The following LRBA variants were observed in gnomAD, a reference collection of about 807,000 sequenced individuals.
The protein encoded by LRBA is lipopolysaccharide-responsive and beige-like anchor protein.
In LRBA, 176 loss-of-function variants were observed where a neutral mutation model predicts 330.0. The ratio of observed to expected loss-of-function variants is 0.53; its 90% CI spans 0.47 to 0.60. The LOEUF is 0.60. Among genes scored for constraint, LRBA ranks in the 20% least tolerant of loss-of-function variants. The pLI is 0.00. For missense variants in LRBA, 3,259 were observed against 3,444.8 expected, an observed-to-expected ratio of 0.95 and a Z score of 1.35; for synonymous variants, 1,230 against 1,193.0, an observed-to-expected ratio of 1.03 and a Z score of -0.64.
intron 2 of LRBA, among the ~76,000 whole-genome samples, chr4:150,955,883 C>T (rs1365870983): frequency 6.7e-6 from 1 of 148,492 alleles, no homozygotes; most frequent in Non-Finnish European, 1.5e-5. Flanking sequence ...CAGAGAGAGA[C>T]TCCATCTCAA....
intron 37 of LRBA, among the ~76,000 whole-genome samples, chr4:150,658,086 T>C (rs1221436128): frequency 6.6e-6 from 1 of 152,004 alleles, no homozygotes; most frequent in Non-Finnish European, 1.5e-5. Flanking sequence ...CGCTAAGGGG[T>C]GAGTCAAAGG....
chr4:150,609,760 G>A (rs1033268892), intron 37 of LRBA, among the ~76,000 whole-genome samples: 21 of 152,068 alleles, frequency 1.4e-4, no homozygotes, highest in Non-Finnish European at 2.4e-4. Context: ...CTAGGATGGC[G>A]GTTTAAAGAA....
intron 2 of LRBA, among the ~76,000 whole-genome samples, chr4:150,962,108 T>C (rs1738212329): frequency 6.7e-6 from 1 of 149,404 alleles, no homozygotes; most frequent in South Asian, 2.1e-4. Flanking sequence ...ACATCTCAAA[T>C]CATGGAGGAA....
intron 40 of LRBA, among the ~76,000 whole-genome samples, chr4:150,498,713 A>C (rs1759879550): frequency 6.6e-6 from 1 of 152,184 alleles, no homozygotes; most frequent in African/African-American, 2.4e-5. Context: ...AATACAAACA[A>C]AAACAAAGCC....
intron 37 of LRBA, among the ~76,000 whole-genome samples, chr4:150,616,148 TAA>T (rs1372120265): frequency 2.6e-5 from 4 of 152,128 alleles, no homozygotes; most frequent in African/African-American, 9.7e-5. Context: ...CAACTGAATA[TAA>T]GAGTGTGGAG....
intron 44 of LRBA, among the ~76,000 whole-genome samples, chr4:150,460,515 G>C (rs1201973816): frequency 6.6e-6 from 1 of 151,830 alleles, no homozygotes; most frequent in Non-Finnish European, 1.5e-5. Flanking sequence ...TAGGTTAACA[G>C]AGTGTGAATA....
chr4:150,593,829 C>T (rs1484919121), intron 38 of LRBA, among the ~76,000 whole-genome samples: 2 of 151,830 alleles, frequency 1.3e-5, no homozygotes, highest in Non-Finnish European at 2.9e-5. Context: ...CAAACATTTA[C>T]AAAAAAATGA....
intron 37 of LRBA, among the ~76,000 whole-genome samples, chr4:150,676,923 C>T (rs1441558842): frequency 2.6e-5 from 4 of 152,160 alleles, no homozygotes; most frequent in Non-Finnish European, 5.9e-5. Context: ...TCTGTATTAT[C>T]TATAGTACAT....
chr4:150,935,495 C>T (rs919689227), intron 2 of LRBA, among the ~76,000 whole-genome samples: 6 of 151,928 alleles, frequency 3.9e-5, no homozygotes, highest in African/African-American at 1.4e-4. Flanking sequence ...ATGAACAGAC[C>T]TGTTTCTGGA....
intron 47 of LRBA, among the ~76,000 whole-genome samples, chr4:150,359,356 A>G (rs1738334187): frequency 6.6e-6 from 1 of 152,196 alleles, no homozygotes; most frequent in African/African-American, 2.4e-5. Context: ...CTCTAAGACT[A>G]CTTTCATAGT....
rs756946124 is a variant in LRBA at position 151,014,455 on chromosome 4, C to G, written c.188G>C (p.Arg63Thr). 9 of 1,614,022 alleles carry G rather than the reference C, an allele frequency of 5.6e-6. No homozygotes were observed. The Admixed American group carries it at 1.0e-4, about 18-fold the overall frequency. Reference protein sequence around the residue: ...GLVEVGEVSNRDIVETVFNLL... With the variant: ...GLVEVGEVSNTDIVETVFNLL... ...GTTAAAGACAGTTTCTACAATATCC[C>G]TATTGGATACTTCTCCAACTTCAAC... The change falls in exon 2 of 57, where the codon AGG (arginine) becomes ACG (threonine). Residue 63 changes from arginine to threonine, a missense_variant. Coordinates refer to ENST00000651943, the MANE Select transcript of LRBA (RefSeq NM_001364905.1).
rs573007075 is a variant in LRBA at position 150,489,034 on chromosome 4, T to A, written c.6449-1200A>T. On this transcript the variant is annotated intron_variant, in intron 41 of 56. Coordinates refer to ENST00000651943, the MANE Select transcript of LRBA (RefSeq NM_001364905.1). Reference sequence around the variant, plus strand: ...ATATATTATATATAAGAATATATATTATATATAATATATTATATATAAGAA... The same window carrying A: ...ATATATTATATATAAGAATATATATAATATATAATATATTATATATAAGAA... 3.3e-4 allele frequency among the ~76,000 whole-genome samples: 37 copies of A among 113,812 alleles called. No individual in the cohort carries two copies. In the South Asian group the frequency reaches 6.5e-3, roughly 20 times the overall value. The allele number at this position is 113,812 out of a possible 152,430, so 74.7% of individuals were successfully genotyped here.
intron 36 of LRBA, among the ~76,000 whole-genome samples, chr4:150,704,157 T>C (rs1785386336): frequency 2.6e-5 from 4 of 152,120 alleles, no homozygotes; most frequent in African/African-American, 9.7e-5. Flanking sequence ...GAGGCTGCAA[T>C]GCACCATGAT....
chr4:150,639,360 T>TAAAAA (rs371245495), intron 37 of LRBA, among the ~76,000 whole-genome samples: 1 of 106,688 alleles, frequency 9.4e-6, no homozygotes, highest in Non-Finnish European at 1.8e-5. Flanking sequence ...TAAAGTATAA[T>TAAAAA]AAAAAAAAAA....
intron 2 of LRBA, among the ~76,000 whole-genome samples, chr4:150,975,162 C>G (rs1740003726): frequency 6.6e-6 from 1 of 152,152 alleles, no homozygotes; most frequent in Non-Finnish European, 1.5e-5. Context: ...CTCTACTAAT[C>G]AGATGTTGGA....
At chr4:150,480,743 T>C (rs185333192) in intron 42 of LRBA, among the ~76,000 whole-genome samples, 117 of 152,296 alleles carry the variant, frequency 7.7e-4, no homozygotes, top group African/African-American at 2.7e-3. Flanking sequence ...TACATATTTA[T>C]GGTGTACGCA....
intron 50 of LRBA, among the ~76,000 whole-genome samples, chr4:150,319,407 T>C (rs1318146688): frequency 2.6e-5 from 4 of 152,144 alleles, no homozygotes; most frequent in African/African-American, 9.7e-5. Flanking sequence ...TAACCGCACA[T>C]AGAGTAGGTA....
At chr4:150,343,942 C>CCATGCTAT (rs1454504214) in intron 48 of LRBA, among the ~76,000 whole-genome samples, 11 of 152,292 alleles carry the variant, frequency 7.2e-5, no homozygotes, top group African/African-American at 2.4e-4. Flanking sequence ...ACACAAGTCC[C>CCATGCTAT]CATGCTATCC....
intron 45 of LRBA, among the ~76,000 whole-genome samples, chr4:150,436,173 T>C (rs1751083079): frequency 6.6e-6 from 1 of 152,194 alleles, no homozygotes; most frequent in African/African-American, 2.4e-5. Context: ...AGCTAAGCAC[T>C]ATAAATTACT....
Sources: allele counts gnomAD v4.1 joint callset (sites outside exome capture counted in the v4.1 genomes callset), GRCh38; gene constraint gnomAD v4.1.1; transcripts MANE v1.5; gene names NCBI Gene and HGNC (gene_info 2026-07-23, HGNC 2026-07-21).